The following PGAP6 variants were observed in gnomAD, a reference collection of about 807,000 sequenced individuals.
PGAP6 encodes post-GPI attachment to proteins 6.
PGAP6 carries 62 observed loss-of-function variants against 68.4 expected under a neutral mutation model. The observed-to-expected ratio is 0.91, with a 90% CI of 0.74 to 1.12. The LOEUF (loss-of-function observed/expected upper bound fraction) is 1.12, where lower values mean the gene tolerates loss of function less well. Ranked by LOEUF, PGAP6 falls within the 50% of genes most tolerant of loss-of-function variation. The probability of loss-of-function intolerance (pLI) is 0.00; values close to 1 mark genes in which losing one functional copy is unlikely to be tolerated. For missense variants in PGAP6, 1,188 were observed against 1,068.5 expected, an observed-to-expected ratio of 1.11 and a Z score of -1.56; for synonymous variants, 575 against 474.0, an observed-to-expected ratio of 1.21 and a Z score of -2.77.
intron 8 of PGAP6, 91 bp downstream of exon 8, chr16:375,042 A>G (rs1389615196): frequency 7.6e-6 from 12 of 1,579,246 alleles, no homozygotes; most frequent in Non-Finnish European, 1.0e-5. Flanking sequence ...TAGCTGGGTC[A>G]CTCCGAACGC....
rs1400640175 is a variant in PGAP6, at chr16:371,163, G to A, written c.*824C>T. ...CCCCACAAGGTTTGCATGAGGAGCA[G>A]AGACAGTCCAGTCTCCTGAACACCC... On this transcript the variant is annotated 3_prime_UTR_variant, in exon 13 of 13. Coordinates refer to ENST00000431232, the MANE Select transcript of PGAP6 (RefSeq NM_021259.3). The A allele has an allele frequency of 6.6e-6, 1 of 152,334 alleles. No homozygotes were observed. The highest frequency in any genetic ancestry group is 2.4e-5 in the African/African-American group (1 of 41,446). The allele number at this position is 152,334 out of a possible 1,614,324, so 9.4% of individuals were successfully genotyped here.
intron 1 of PGAP6, among the ~76,000 whole-genome samples, chr16:378,893 T>G (rs2054415587): frequency 6.6e-6 from 1 of 152,204 alleles, no homozygotes. Context: ...CACCCACGCC[T>G]GGTGCGGGGA....
chr16:373,824 T>G (rs2054354771), intron 11 of PGAP6, among the ~76,000 whole-genome samples, 181 bp downstream of exon 11: 1 of 101,004 alleles, frequency 9.9e-6, no homozygotes, highest in African/African-American at 4.2e-5. Flanking sequence ...ATTACAGGTG[T>G]GAGCCACCAT....
upstream of PGAP6, among the ~76,000 whole-genome samples, chr16:383,664 T>G (rs1363228352): frequency 6.6e-6 from 1 of 152,200 alleles, no homozygotes; most frequent in African/African-American, 2.4e-5. Context: ...GCTCTACCAT[T>G]TGTGTAGAAA....
At chr16:379,554 G>C (rs1231396188) in intron 1 of PGAP6, among the ~76,000 whole-genome samples, 2 of 152,246 alleles carry the variant, frequency 1.3e-5, no homozygotes, top group African/African-American at 2.4e-5. Flanking sequence ...CGGTGTCCCG[G>C]AGAAAGCCGG....
rs2054444003 is a variant in PGAP6, at chr16:381,961, G to C, written c.-140C>G. ...GCCCATGGCCCGGCCGGTCCCCGCC[G>C]CCGTCGCCCCGGGCACTTCCGCCCG... On this transcript the variant is annotated 5_prime_UTR_variant, in exon 1 of 13. Coordinates refer to ENST00000431232, the MANE Select transcript of PGAP6 (RefSeq NM_021259.3). 4 of 975,786 alleles carry C rather than the reference G, an allele frequency of 4.1e-6. No individual in the cohort carries two copies. The highest frequency in any genetic ancestry group is 3.6e-6 in the Non-Finnish European group (3 of 822,590). 60.4% of individuals were successfully genotyped at this position (975,786 alleles called of 1,614,324 possible). A position where few individuals can be genotyped will look rare whatever the true frequency, so the allele number is the denominator to read the frequency against.
upstream of PGAP6, among the ~76,000 whole-genome samples, chr16:385,091 G>A (rs1358388912): frequency 2.0e-5 from 3 of 147,304 alleles, no homozygotes; most frequent in Admixed American, 6.8e-5. Flanking sequence ...ACTTGAACCC[G>A]GGAGGTGGAG....
upstream of PGAP6, chr16:386,777 AAAG>A (rs1567329347): frequency 1.7e-6 from 1 of 572,700 alleles, no homozygotes; most frequent in Admixed American, 2.3e-5. Context: ...CGCTGAAAGC[AAAG>A]AAGGAAGCTC....
intron 3 of PGAP6, 82 bp from the exon 4 acceptor site, chr16:377,246 T>G (rs1048210340): frequency 6.2e-7 from 1 of 1,602,566 alleles, no homozygotes; most frequent in Non-Finnish European, 8.5e-7. Context: ...GCCCCCGGCA[T>G]GCAGGGAGCA....
chr16:380,163 C>G (rs2054425000), intron 1 of PGAP6, among the ~76,000 whole-genome samples: 1 of 152,172 alleles, frequency 6.6e-6, no homozygotes, highest in Non-Finnish European at 1.5e-5. Flanking sequence ...CCCAGGAACC[C>G]CTCACCAGGC....
intron 1 of PGAP6, among the ~76,000 whole-genome samples, chr16:380,944 G>A (rs909513247): frequency 1.3e-5 from 2 of 152,196 alleles, no homozygotes; most frequent in Non-Finnish European, 2.9e-5. Flanking sequence ...GGCCACAGAG[G>A]CCGGGGCAAG....
Position 371,934 on chromosome 16 carries a change from T to C in PGAP6, c.*53A>G. 1 of 1,574,070 alleles carries C rather than the reference T, an allele frequency of 6.4e-7. No homozygotes were observed. The highest frequency in any genetic ancestry group is 8.6e-7 in the Non-Finnish European group (1 of 1,157,238). ...GCTGGACCAGGCGCCTCCCCCTCGA[T>C]ACAGCTCCTGGCTGAAGAGGTCATC... On this transcript the variant is annotated 3_prime_UTR_variant, in exon 13 of 13. Coordinates refer to ENST00000431232, the MANE Select transcript of PGAP6 (RefSeq NM_021259.3).
chr16:377,422 C>T lies in PGAP6; in HGVS notation c.463G>A (p.Val155Met), dbSNP rs756623517. The T allele has an allele frequency of 4.4e-6, 7 of 1,608,366 alleles. No individual in the cohort carries two copies. Among genetic ancestry groups the T allele is most frequent in the South Asian group, 2.2e-5 (2 of 90,690 alleles). The change falls in exon 3 of 13, where the codon GTG becomes ATG. Residue 155 changes from valine (V) to methionine (M), a missense_variant. Transcript: ENST00000431232. ...GATGAGGGGGGCAGGTGGGCGGCCA[C>T]GAACCAGTCCCCGGGGGCCGGGTGG... ...VSHPAPGDWF[V>M]AAHLPPSSQK... is the part of the protein sequence containing the mutation.
At position 376,723 on chromosome 16, in the gene PGAP6, G is replaced by A. The variant is rs945151884; in HGVS notation, c.725C>T (p.Thr242Ile). Residue 242 changes from threonine (T) to isoleucine (I), a missense_variant, in exon 5 of 13, where the codon ACC becomes ATC. Transcript: ENST00000431232. ...NGSLGCPVRL[T>I]VGPVTLPSNF... is the part of the protein sequence containing the mutation. Reference sequence around the variant, plus strand: ...GCTAGGCAGGGTGACCGGGCCCACGGTGAGACGCACGGGGCAGCCCAGGCT... The same window carrying A: ...GCTAGGCAGGGTGACCGGGCCCACGATGAGACGCACGGGGCAGCCCAGGCT... The A allele has an allele frequency of 3.7e-6, 6 of 1,611,722 alleles. No individual in the cohort carries two copies. Among genetic ancestry groups the A allele is most frequent in the South Asian group, 1.1e-5 (1 of 91,034 alleles).
chr16:383,060 G>C (rs138675576), upstream of PGAP6, among the ~76,000 whole-genome samples: 1 of 152,164 alleles, frequency 6.6e-6, no homozygotes, highest in African/African-American at 2.4e-5. Flanking sequence ...AGGTTGCAGT[G>C]AGCCGAGATC....
At chr16:375,942 A>G (rs113709803) in intron 6 of PGAP6, among the ~76,000 whole-genome samples, 194 bp downstream of exon 6, 11,477 of 152,218 alleles carry the variant, frequency 0.075, 469 homozygotes, top group Non-Finnish European at 0.1. Flanking sequence ...GCTACCCCAC[A>G]GCCCCGGGGC....
At chr16:378,791 C>G (rs1266486171) in intron 1 of PGAP6, among the ~76,000 whole-genome samples, 3 of 152,334 alleles carry the variant, frequency 2.0e-5, no homozygotes, top group South Asian at 4.1e-4. Flanking sequence ...TGGGAGGGAC[C>G]CAGGCCAGAA....
chr16:385,290 T>C (rs1230036544), upstream of PGAP6, among the ~76,000 whole-genome samples: 1 of 150,604 alleles, frequency 6.6e-6, no homozygotes, highest in Admixed American at 6.6e-5. Flanking sequence ...GGTAAATAAA[T>C]CATGCTATAA....
upstream of PGAP6, among the ~76,000 whole-genome samples, chr16:384,673 G>A (rs952765732): frequency 1.3e-5 from 2 of 151,996 alleles, no homozygotes; most frequent in South Asian, 4.2e-4. Context: ...GGGCTAACAT[G>A]GTGAAACCCC....
Sources: allele counts gnomAD v4.1 joint callset (sites outside exome capture counted in the v4.1 genomes callset), GRCh38; gene constraint gnomAD v4.1.1; transcripts MANE v1.5; gene names NCBI Gene and HGNC (gene_info 2026-07-23, HGNC 2026-07-21).